CDC16: variants seen among roughly 807,000 people sequenced by gnomAD.
CDC16 encodes the protein cell division cycle protein 16 homolog.
A neutral mutation model predicts 87.0 loss-of-function variants in CDC16; 34 were observed. The ratio of observed to expected loss-of-function variants is 0.39; its 90% CI spans 0.30 to 0.52. The LOEUF is 0.52. Ranked by LOEUF, CDC16 falls within the 20% of genes least tolerant of loss-of-function variation. The pLI, the probability that CDC16 is intolerant of heterozygous loss-of-function variation, is 0.74. For synonymous variants in CDC16, 263 were observed against 260.6 expected (o/e 1.01, Z -0.09); for missense variants, 653 against 751.9 (o/e 0.87, Z 1.54).
intron 12 of CDC16, among the ~76,000 whole-genome samples, chr13:114,255,705 C>T (rs1477483954): frequency 6.6e-6 from 1 of 152,170 alleles, no homozygotes; most frequent in Non-Finnish European, 1.5e-5. Flanking sequence ...TGCAGTGGCA[C>T]CATCACAGCT....
chr13:114,247,788 A>G (rs1422472144), intron 11 of CDC16, among the ~76,000 whole-genome samples: 2 of 152,180 alleles, frequency 1.3e-5, no homozygotes, highest in East Asian at 1.9e-4. Flanking sequence ...AGACAGGAGA[A>G]TCGCTTGAAC....
Position 114,259,210 on chromosome 13 carries a change from T to C in CDC16, c.1251-125T>C. On this transcript the variant is annotated intron_variant, in intron 13 of 17. Coordinates refer to ENST00000356221, the MANE Select transcript of CDC16 (RefSeq NM_001078645.3). ...CATTTGTGACTTAACTTTGAATTTT[T>C]ATAATTATTTCCAGCAGTTTACCCC... is the stretch of plus-strand genomic sequence containing the variant. 5.4e-6 allele frequency: 3 copies of C among 558,490 alleles called. No individual in the cohort carries two copies. In the South Asian group the frequency reaches 7.0e-5, roughly 13 times the overall value. 34.6% of individuals were successfully genotyped at this position (558,490 alleles called of 1,614,324 possible). A position where few individuals can be genotyped will look rare whatever the true frequency, so the allele number is the denominator to read the frequency against.
At position 114,249,679 on chromosome 13, in the gene CDC16, A is replaced by G. The variant is rs766765160; in HGVS notation, c.972-870A>G. ...AGGGTATATCTGTTGACCATCATCT[A>G]TAGGATATCGCCTAATCCCTCAAGC... On this transcript the variant is annotated intron_variant, in intron 11 of 17. Transcript: ENST00000356221. 5.9e-5 allele frequency among the ~76,000 whole-genome samples: 9 copies of G among 152,204 alleles called. No homozygotes were observed. The South Asian group carries it at 6.2e-4, about 11-fold the overall frequency.
Position 114,265,232 on chromosome 13 carries a change from CT to C in CDC16, c.1597del (p.Tyr533IlefsTer10). The part of the protein sequence containing the change: ...CIEMYIGDSE[A>X]YIGADIKDKL... The stretch of plus-strand genomic sequence containing the variant: ...GAAATGTACATTGGTGATTCTGAAG[CT>C]TATATTGGTAAGATAATCGTTATTC... On this transcript the variant is annotated frameshift_variant, in exon 17 of 18. Coordinates refer to ENST00000356221, the MANE Select transcript of CDC16 (RefSeq NM_001078645.3). LOFTEE classifies it high-confidence loss of function. 1 of 1,592,088 alleles carries C rather than the reference CT, an allele frequency of 6.3e-7. No homozygotes were observed. The highest frequency in any genetic ancestry group is 8.6e-7 in the Non-Finnish European group (1 of 1,160,016).
At chr13:114,237,560 G>A (rs1218387461) in intron 3 of CDC16, among the ~76,000 whole-genome samples, 1 of 152,086 alleles carries the variant, frequency 6.6e-6, no homozygotes, top group East Asian at 1.9e-4. Context: ...CCAAAGTGCT[G>A]GGATTATAGA....
intron 17 of CDC16, among the ~76,000 whole-genome samples, chr13:114,268,325 T>C (rs533522033): frequency 3.7e-4 from 57 of 152,364 alleles, no homozygotes; most frequent in Admixed American, 5.9e-4. Flanking sequence ...TCACTACAAG[T>C]TGTCCAGGTT....
chr13:114,235,653 G>A (rs1162728276), intron 1 of CDC16, among the ~76,000 whole-genome samples: 1 of 152,170 alleles, frequency 6.6e-6, no homozygotes, highest in Non-Finnish European at 1.5e-5. Flanking sequence ...AAGTGTCTTC[G>A]AGAATCAGCA....
rs763529591 is a variant in CDC16, at chr13:114,242,201, A to G, written c.462A>G (p.Lys154=). Residue 154 remains lysine, a synonymous_variant, in exon 6 of 18, where the codon AAA becomes AAG. Transcript: ENST00000356221. Reference sequence around the variant, plus strand: ...GAACCCTGGCTACCTACAGCTACAAAGAAGCTTTGAAGCTTGATGTCTACT... The same window carrying G: ...GAACCCTGGCTACCTACAGCTACAAGGAAGCTTTGAAGCTTGATGTCTACT... The part of the protein sequence containing the change: ...DNRTLATYSY[K]EALKLDVYCF... 1.9e-6 allele frequency: 3 copies of G among 1,614,234 alleles called. No individual in the cohort carries two copies. Among genetic ancestry groups the G allele is most frequent in the Non-Finnish European group, 2.5e-6 (3 of 1,180,040 alleles).
intron 17 of CDC16, among the ~76,000 whole-genome samples, chr13:114,269,147 T>G (rs1052138478): frequency 1.3e-5 from 2 of 152,176 alleles, no homozygotes; most frequent in African/African-American, 4.8e-5. Flanking sequence ...GATACTTGAC[T>G]GGGTAGATGG....
intron 17 of CDC16, among the ~76,000 whole-genome samples, chr13:114,266,666 A>G (rs1041440072): frequency 5.3e-5 from 8 of 151,790 alleles, no homozygotes; most frequent in African/African-American, 1.7e-4. Context: ...TTCTAACCCT[A>G]TATATCTCAA....
At position 114,272,434 on chromosome 13, in the gene CDC16, C is replaced by T; in HGVS notation, c.1854C>T (p.His618=). Residue 618 remains histidine, a synonymous_variant, in exon 18 of 18, where the codon CAC becomes CAT. Transcript: ENST00000356221. ...DMMLETSMSD[H]ST is the part of the protein sequence containing the mutation. ...TGTTAGAGACATCTATGTCAGACCA[C>T]AGCACGTGACTCCAGTCAGTGGTCC... 6.2e-7 allele frequency: 1 copy of T among 1,613,626 alleles called. No individual in the cohort carries two copies. Among genetic ancestry groups the T allele is most frequent in the Non-Finnish European group, 8.5e-7 (1 of 1,179,594 alleles).
At position 114,243,924 on chromosome 13, in the gene CDC16, A is replaced by G. The variant is rs755433387; in HGVS notation, c.702A>G (p.Val234=). The change falls in exon 8 of 18, where the codon GTA becomes GTG. Residue 234 remains valine, a synonymous_variant. Coordinates refer to ENST00000356221, the MANE Select transcript of CDC16 (RefSeq NM_001078645.3). ...GCTTGCAAGAGAATCTGGATGTGGT[A>G]GTGTCTTTAGCTGAGAGACATTATT... ...VDGLQENLDV[V]VSLAERHYYN... is the part of the protein sequence containing the mutation. 4 of 1,603,894 alleles carry G rather than the reference A, an allele frequency of 2.5e-6. No homozygotes were observed. In the African/African-American group the frequency reaches 4.0e-5, roughly 16 times the overall value.
At position 114,272,637 on chromosome 13, in the gene CDC16, A is replaced by G. The variant is rs980991017; in HGVS notation, c.*194A>G. 19 of 506,600 alleles carry G rather than the reference A, an allele frequency of 3.8e-5. No homozygotes were observed. The highest frequency in any genetic ancestry group is 9.9e-4 in the Middle Eastern group (2 of 2,026). The allele number at this position is 506,600 out of a possible 1,614,324, so 31.4% of individuals were successfully genotyped here. A position where few individuals can be genotyped will look rare whatever the true frequency, so the allele number is the denominator to read the frequency against. On this transcript the variant is annotated 3_prime_UTR_variant, in exon 18 of 18. Coordinates refer to ENST00000356221, the MANE Select transcript of CDC16 (RefSeq NM_001078645.3). ...TGTGTTCTGATTCTCTGAACCTACAAAATAGTTATACATAGTGGAATAAAG... is the reference window on the plus strand; with the variant it reads ...TGTGTTCTGATTCTCTGAACCTACAGAATAGTTATACATAGTGGAATAAAG...
At chr13:114,252,684 A>G (rs560012501) in intron 12 of CDC16, among the ~76,000 whole-genome samples, 3 of 152,330 alleles carry the variant, frequency 2.0e-5, no homozygotes, top group African/African-American at 7.2e-5. Flanking sequence ...GTTGGTTTTT[A>G]TGAGCATATG....
chr13:114,266,563 A>G (rs751741854), intron 17 of CDC16, among the ~76,000 whole-genome samples: 2 of 152,154 alleles, frequency 1.3e-5, no homozygotes, highest in African/African-American at 2.4e-5. Context: ...AGCTCATGGC[A>G]CACCTAGCAA....
chr13:114,243,950 ATAAC>A lies in CDC16; in HGVS notation c.730_733del (p.Asn244ValfsTer12). The A allele has an allele frequency of 6.2e-7, 1 of 1,607,066 alleles. No individual in the cohort carries two copies. Among genetic ancestry groups the A allele is most frequent in the East Asian group, 2.2e-5 (1 of 44,794 alleles). On this transcript the variant is annotated frameshift_variant, in exon 8 of 18. Transcript: ENST00000356221. LOFTEE classifies it high-confidence loss of function. ...GTGTCTTTAGCTGAGAGACATTATT[ATAAC>A]TGTGATTTTAAAATGTGCTACAAGC...
chr13:114,242,298 TTTTTG>T lies in CDC16; in HGVS notation c.541+23_541+27del. ...ACAAGAAGGTTTGGAAACTCAGGCT[TTTTTG>T]TTTTATGTTTAGCAAAATTAATATT... On this transcript the variant is annotated intron_variant, in intron 6 of 17. Coordinates refer to ENST00000356221, the MANE Select transcript of CDC16 (RefSeq NM_001078645.3). The T allele has an allele frequency of 2.5e-6, 4 of 1,595,258 alleles. No homozygotes were observed. Among genetic ancestry groups the T allele is most frequent in the Non-Finnish European group, 2.6e-6 (3 of 1,174,850 alleles).
intron 12 of CDC16, among the ~76,000 whole-genome samples, chr13:114,254,199 CTT>C (rs1482970260): frequency 6.6e-6 from 1 of 152,010 alleles, no homozygotes; most frequent in Admixed American, 6.5e-5. Flanking sequence ...AAGCATGTCT[CTT>C]GTTGACAACA....
At position 114,272,361 on chromosome 13, in the gene CDC16, C is replaced by T; in HGVS notation, c.1781C>T (p.Pro594Leu). Reference protein sequence around the residue: ...ETSRKTPDSRPSLEETFEIEM... With the variant: ...ETSRKTPDSRLSLEETFEIEM... ...TCAAGGAAAACTCCAGATTCCAGACCTTCCTTGGAAGAAACCTTTGAAATT... is the reference window on the plus strand; with the variant it reads ...TCAAGGAAAACTCCAGATTCCAGACTTTCCTTGGAAGAAACCTTTGAAATT... The change falls in exon 18 of 18, where the codon CCT becomes CTT. Residue 594 changes from proline (P) to leucine (L), a missense_variant. Coordinates refer to ENST00000356221, the MANE Select transcript of CDC16 (RefSeq NM_001078645.3). The T allele has an allele frequency of 1.9e-6, 3 of 1,613,904 alleles. No homozygotes were observed. The highest frequency in any genetic ancestry group is 2.5e-6 in the Non-Finnish European group (3 of 1,179,744).
Sources: gnomAD v4.1 joint callset for allele counts (sites outside exome capture counted in the v4.1 genomes callset) on GRCh38, gnomAD v4.1.1 for gene constraint, MANE v1.5 for transcripts, NCBI Gene and HGNC (gene_info 2026-07-23, HGNC 2026-07-21) for gene names.